The following CACNB2 variants were observed in gnomAD, a reference collection of about 807,000 sequenced individuals.
CACNB2 encodes calcium voltage-gated channel auxiliary subunit beta 2.
Under a neutral mutation model 73.3 loss-of-function variants are expected in CACNB2, and 42 were observed. That is an observed-to-expected ratio of 0.57 (90% CI 0.45 to 0.74). CACNB2 has a LOEUF of 0.74. Among genes scored for constraint, CACNB2 ranks in the 30% least tolerant of loss-of-function variants. The pLI is 0.00. For missense variants in CACNB2, 940 were observed against 853.0 expected (o/e 1.10, Z -1.27); for synonymous variants, 348 against 310.3 (o/e 1.12, Z -1.28).
At chr10:18,348,328 A>G (rs2041555701) in intron 2 of CACNB2, among the ~76,000 whole-genome samples, 1 of 152,226 alleles carries the variant, frequency 6.6e-6, no homozygotes, top group Non-Finnish European at 1.5e-5. Flanking sequence ...CAACAATTAG[A>G]GAATAATTTT....
chr10:18,404,751 A>G (rs2044191151), intron 3 of CACNB2, among the ~76,000 whole-genome samples: 1 of 152,218 alleles, frequency 6.6e-6, no homozygotes, highest in African/African-American at 2.4e-5. Context: ...GTGATTAGCA[A>G]GAAGTGAGAC....
chr10:18,415,541 C>A (rs547263082), intron 3 of CACNB2, among the ~76,000 whole-genome samples: 3 of 151,874 alleles, frequency 2.0e-5, no homozygotes, highest in African/African-American at 7.2e-5. Flanking sequence ...CCCAACACTG[C>A]TGGAGAAGGC....
rs183289530 is a variant in CACNB2, at chr10:18,541,577, T to C, written c.*1853T>C. Reference sequence around the variant, plus strand: ...ACATTAACTTATTTAACAAAATAAATCAGCCGGGCGCAGTGGCTCATGCCT... The same window carrying C: ...ACATTAACTTATTTAACAAAATAAACCAGCCGGGCGCAGTGGCTCATGCCT... On this transcript the variant is annotated 3_prime_UTR_variant, in exon 14 of 14. Transcript: ENST00000324631. 9.2e-5 allele frequency: 14 copies of C among 152,282 alleles called. No homozygotes were observed. In the East Asian group the frequency reaches 2.7e-3, roughly 29 times the overall value. The allele number at this position is 152,282 out of a possible 1,614,324, so 9.4% of individuals were successfully genotyped here.
At chr10:18,406,948 A>C (rs1390499246) in intron 3 of CACNB2, among the ~76,000 whole-genome samples, 1 of 152,098 alleles carries the variant, frequency 6.6e-6, no homozygotes, top group Non-Finnish European at 1.5e-5. Context: ...GTGCAGCAAG[A>C]AAACATAGAC....
chr10:18,228,064 T>C (rs2036068166), intron 2 of CACNB2, among the ~76,000 whole-genome samples: 1 of 152,176 alleles, frequency 6.6e-6, no homozygotes. Flanking sequence ...CAGAGTGTCT[T>C]TTGGTGTACA....
chr10:18,358,874 T>C (rs2042037686), intron 2 of CACNB2, among the ~76,000 whole-genome samples: 1 of 152,180 alleles, frequency 6.6e-6, no homozygotes, highest in African/African-American at 2.4e-5. Flanking sequence ...GACCAAAACA[T>C]TTAAATTCAG....
chr10:18,345,369 T>C (rs1315585702), intron 2 of CACNB2, among the ~76,000 whole-genome samples: 1 of 152,236 alleles, frequency 6.6e-6, no homozygotes, highest in Non-Finnish European at 1.5e-5. Context: ...TTATACAGCA[T>C]TGTTTTAATT....
intron 2 of CACNB2, among the ~76,000 whole-genome samples, chr10:18,254,299 C>A (rs1215440108): frequency 1.3e-5 from 2 of 152,196 alleles, no homozygotes; most frequent in East Asian, 3.8e-4. Flanking sequence ...CAATCTTGTT[C>A]TCACAATCTT....
intron 3 of CACNB2, among the ~76,000 whole-genome samples, chr10:18,453,958 A>G (rs1477351037): frequency 6.6e-6 from 1 of 152,232 alleles, no homozygotes; most frequent in Non-Finnish European, 1.5e-5. Flanking sequence ...TTTTTAAACA[A>G]GTAGCATGGA....
At chr10:18,187,543 A>C (rs1487731377) in intron 2 of CACNB2, among the ~76,000 whole-genome samples, 2 of 152,220 alleles carry the variant, frequency 1.3e-5, no homozygotes, top group Non-Finnish European at 2.9e-5. Context: ...CTTTTTAGGA[A>C]AACAGATTTT....
At chr10:18,306,748 G>A (rs1326047959) in intron 2 of CACNB2, among the ~76,000 whole-genome samples, 1 of 152,162 alleles carries the variant, frequency 6.6e-6, no homozygotes, top group Non-Finnish European at 1.5e-5. Flanking sequence ...AGCTGTTGAA[G>A]TTCTAGTCCT....
At chr10:18,227,623 T>C (rs919746038) in intron 2 of CACNB2, among the ~76,000 whole-genome samples, 1 of 152,162 alleles carries the variant, frequency 6.6e-6, no homozygotes, top group Non-Finnish European at 1.5e-5. Flanking sequence ...AAAGGTGGTC[T>C]TGGGCGGCCG....
In CACNB2 at chr10:18,165,214, A is replaced by G. The variant is rs1478221025; in HGVS notation, c.213+14239A>G. ...ATTGAAGAATGAGTTGAAATGTTCT[A>G]GGAGAAGAAATTGGGAAGGAATGCG... On this transcript the variant is annotated intron_variant, in intron 2 of 13. Coordinates refer to ENST00000324631, the MANE Select transcript of CACNB2 (RefSeq NM_201596.3). Among the ~76,000 whole-genome samples, 11 of 152,288 alleles carry G rather than the reference A, an allele frequency of 7.2e-5. No homozygotes were observed. In the South Asian group the frequency reaches 2.3e-3, roughly 32 times the overall value.
chr10:18,448,525 G>GA (rs1030867104), intron 3 of CACNB2, among the ~76,000 whole-genome samples: 1 of 130,198 alleles, frequency 7.7e-6, no homozygotes, highest in Non-Finnish European at 1.7e-5. Flanking sequence ...AGAAAGGAAA[G>GA]AAAAAAAAGT....
rs191639140 is a variant in CACNB2, at chr10:18,437,121, A to G, written c.333+35078A>G. Among the ~76,000 whole-genome samples, 267 of 152,350 alleles carry G rather than the reference A, an allele frequency of 1.8e-3. 1 individual carries two copies. The South Asian group carries it at 0.02, about 11-fold the overall frequency. On this transcript the variant is annotated intron_variant, in intron 3 of 13. Coordinates refer to ENST00000324631, the MANE Select transcript of CACNB2 (RefSeq NM_201596.3). ...GAGACATGACGTCACACTTGTAAAT[A>G]TTGGATGCTATGGTAAACTCAAACA...
chr10:18,444,644 T>G (rs1401696747), intron 3 of CACNB2, among the ~76,000 whole-genome samples: 2 of 152,156 alleles, frequency 1.3e-5, no homozygotes. Context: ...CTAGAGGTGT[T>G]TAGTACCCGA....
At chr10:18,262,953 C>A (rs2037623611) in intron 2 of CACNB2, among the ~76,000 whole-genome samples, 1 of 152,184 alleles carries the variant, frequency 6.6e-6, no homozygotes. Context: ...GGTTCATCTG[C>A]TCATTCTCAA....
chr10:18,489,470 C>A (rs1466744942), intron 3 of CACNB2, among the ~76,000 whole-genome samples: 1 of 131,928 alleles, frequency 7.6e-6, no homozygotes, highest in African/African-American at 2.8e-5. Flanking sequence ...GAGAAAGGAT[C>A]TTGCAATGTT....
chr10:18,358,531 T>TCTCTCG (rs2042016995), intron 2 of CACNB2, among the ~76,000 whole-genome samples: 1 of 34,748 alleles, frequency 2.9e-5, no homozygotes, highest in East Asian at 2.4e-4. Flanking sequence ...TCTCTCTCTC[T>TCTCTCG]CTCTCTCTCT....
Sources: gnomAD v4.1 joint callset for allele counts (sites outside exome capture counted in the v4.1 genomes callset) on GRCh38, gnomAD v4.1.1 for gene constraint, MANE v1.5 for transcripts, NCBI Gene and HGNC (gene_info 2026-07-23, HGNC 2026-07-21) for gene names.